The following PIK3CB variants were observed in gnomAD, a reference collection of about 807,000 sequenced individuals.
PIK3CB encodes phosphatidylinositol-4,5-bisphosphate 3-kinase catalytic subunit beta, also known as phosphatidylinositol 4,5-bisphosphate 3-kinase catalytic subunit beta isoform.
In PIK3CB, 39 loss-of-function variants were observed where a neutral mutation model predicts 136.8. That is an observed-to-expected ratio of 0.29 (90% confidence interval 0.22 to 0.37). PIK3CB has a LOEUF of 0.37. Ranked by LOEUF, PIK3CB falls within the 10% of genes least tolerant of loss-of-function variation. PIK3CB has a pLI of 1.00. For synonymous variants in PIK3CB, 428 were observed against 436.6 expected (o/e 0.98, Z 0.25); for missense variants, 868 against 1,275.4 (o/e 0.68, Z 4.87).
chr3:138,697,558 C>T (rs2044164430), intron 13 of PIK3CB, among the ~76,000 whole-genome samples: 1 of 152,040 alleles, frequency 6.6e-6, no homozygotes. Flanking sequence ...GTCCCAACCT[C>T]CCGAGTAGCT....
chr3:138,722,996 G>A (rs1182176087), intron 8 of PIK3CB, among the ~76,000 whole-genome samples: 7 of 151,456 alleles, frequency 4.6e-5, no homozygotes, highest in East Asian at 3.9e-4. Context: ...TTGACAAATC[G>A]TTAAAAAGAA....
chr3:138,814,413 G>A (rs1262627981), intron 1 of PIK3CB, among the ~76,000 whole-genome samples: 2 of 151,708 alleles, frequency 1.3e-5, no homozygotes, highest in African/African-American at 2.4e-5. Flanking sequence ...AGGAGGTGGA[G>A]GTTGCAGTGA....
intron 1 of PIK3CB, chr3:138,825,837 T>G: frequency 8.2e-7 from 1 of 1,212,584 alleles, no homozygotes; most frequent in Non-Finnish European, 1.2e-6. Flanking sequence ...CATGAAGCTT[T>G]GGGTGAAGCT....
Position 138,654,382 on chromosome 3 carries a change from G to GA in PIK3CB, c.*1006dup, listed in dbSNP as rs1468447828. 2.7e-5 allele frequency: 6 copies of GA among 222,868 alleles called. No homozygotes were observed. The highest frequency in any genetic ancestry group is 9.0e-5 in the African/African-American group (4 of 44,656). The allele number at this position is 222,868 out of a possible 1,614,324, so 13.8% of individuals were successfully genotyped here. Reference sequence around the variant, plus strand: ...CATTTCAATTTGAACTAATATCCTTGAAAAAAATCACATTATTACAAGTTT... The same window carrying GA: ...CATTTCAATTTGAACTAATATCCTTGAAAAAAAATCACATTATTACAAGTTT... On this transcript the variant is annotated 3_prime_UTR_variant, in exon 24 of 24. Transcript: ENST00000674063.
intron 1 of PIK3CB, among the ~76,000 whole-genome samples, chr3:138,813,176 G>A (rs1445125869): frequency 6.6e-6 from 1 of 151,882 alleles, no homozygotes; most frequent in Non-Finnish European, 1.5e-5. Context: ...TTTTAGGAGG[G>A]GCTACAATTC....
At chr3:138,832,263 G>A (rs1934069961) in intron 1 of PIK3CB, among the ~76,000 whole-genome samples, 1 of 152,080 alleles carries the variant, frequency 6.6e-6, no homozygotes, top group African/African-American at 2.4e-5. Context: ...ATCAAAACCC[G>A]ACTTGATTTT....
chr3:138,778,466 G>A, intron 2 of PIK3CB: 1 of 241,418 alleles, frequency 4.1e-6, no homozygotes. Flanking sequence ...CAAAGCTGTG[G>A]GCAAAGTCAT....
intron 4 of PIK3CB, among the ~76,000 whole-genome samples, chr3:138,750,213 A>G (rs1260699178): frequency 6.6e-6 from 1 of 152,162 alleles, no homozygotes; most frequent in East Asian, 1.9e-4. Flanking sequence ...ACATTGTGGA[A>G]TGATCAAATC....
At chr3:138,678,505 A>G (rs1224248024) in intron 19 of PIK3CB, among the ~76,000 whole-genome samples, 1 of 152,216 alleles carries the variant, frequency 6.6e-6, no homozygotes, top group Non-Finnish European at 1.5e-5. Context: ...TAAAACATAC[A>G]ATAAGATAGT....
At chr3:138,656,407 T>C in intron 22 of PIK3CB, 133 bp from the exon 23 acceptor site, 3 of 944,448 alleles carry the variant, frequency 3.2e-6, no homozygotes, top group South Asian at 4.2e-5. Context: ...AAGGTTCATT[T>C]CTGATTTTTA....
At position 138,757,702 on chromosome 3, in the gene PIK3CB, G is replaced by T. The variant is rs191630837; in HGVS notation, c.171+1471C>A. Among the ~76,000 whole-genome samples the T allele has an allele frequency of 4.7e-3, 678 of 144,686 alleles. 4 individuals are homozygous for T. The highest frequency in any genetic ancestry group is 0.016 in the African/African-American group (646 of 39,306). The allele number at this position is 144,686 out of a possible 152,430, so 94.9% of individuals were successfully genotyped here. On this transcript the variant is annotated intron_variant, in intron 3 of 23. Transcript: ENST00000674063. ...AGAGGGAGGGAGGGAGGAAGAGAGG[G>T]AGGGAGGAAGAGAGGGAGGGAGGAA...
intron 18 of PIK3CB, 67 bp from the exon 19 acceptor site, chr3:138,682,112 A>ATTAAT: frequency 1.1e-6 from 1 of 879,624 alleles, no homozygotes; most frequent in Non-Finnish European, 1.8e-6. Context: ...CATTAATTCA[A>ATTAAT]GACTAACTCA....
chr3:138,827,745 C>A (rs1933846658), intron 1 of PIK3CB, among the ~76,000 whole-genome samples: 1 of 150,464 alleles, frequency 6.6e-6, no homozygotes, highest in Non-Finnish European at 1.5e-5. Context: ...TTTGGGAGGC[C>A]GAGGCGGGCG....
chr3:138,786,992 A>T (rs1357019190), intron 2 of PIK3CB, among the ~76,000 whole-genome samples: 1 of 152,240 alleles, frequency 6.6e-6, no homozygotes, highest in Non-Finnish European at 1.5e-5. Context: ...GTGTAAAAGT[A>T]AAAAGCACAC....
At chr3:138,760,899 C>G (rs1029680969) in intron 2 of PIK3CB, among the ~76,000 whole-genome samples, 9 of 151,882 alleles carry the variant, frequency 5.9e-5, no homozygotes, top group African/African-American at 2.2e-4. Flanking sequence ...AAAGTGAGAC[C>G]CTGTCTTAAA....
chr3:138,821,997 A>G (rs549552552), intron 1 of PIK3CB, among the ~76,000 whole-genome samples: 1 of 151,874 alleles, frequency 6.6e-6, no homozygotes, highest in East Asian at 2.0e-4. Context: ...TGAAAAATAC[A>G]ACAAGTAGCC....
intron 1 of PIK3CB, among the ~76,000 whole-genome samples, chr3:138,810,395 A>G (rs1932970570): frequency 6.6e-6 from 1 of 152,118 alleles, no homozygotes; most frequent in Non-Finnish European, 1.5e-5. Context: ...AACCTAACAA[A>G]CTACCTCAGC....
At chr3:138,707,110 GATCATTCA>G (rs1559830200) in intron 11 of PIK3CB, 41 bp downstream of exon 11, 1 of 1,104,526 alleles carries the variant, frequency 9.1e-7, no homozygotes, top group South Asian at 1.3e-5. Flanking sequence ...TAGAGGAACT[GATCATTCA>G]ATCATTTCAT....
At chr3:138,739,023 T>C (rs1379818805) in intron 5 of PIK3CB, among the ~76,000 whole-genome samples, 1 of 152,236 alleles carries the variant, frequency 6.6e-6, no homozygotes, top group African/African-American at 2.4e-5. Context: ...TGAATGTTTG[T>C]GTCTCCCCTG....
Sources: allele counts gnomAD v4.1 joint callset (sites outside exome capture counted in the v4.1 genomes callset), GRCh38; gene constraint gnomAD v4.1.1; transcripts MANE v1.5; gene names NCBI Gene and HGNC (gene_info 2026-07-23, HGNC 2026-07-21).